ADAMTS17: variants seen among roughly 807,000 people sequenced by gnomAD.
The protein encoded by ADAMTS17 is A disintegrin and metalloproteinase with thrombospondin motifs 17.
In ADAMTS17, 113 loss-of-function variants were observed where a neutral mutation model predicts 141.5. That is an observed-to-expected ratio of 0.80 (90% CI 0.69 to 0.93). The LOEUF is 0.93. ADAMTS17 is among the 40% of genes least tolerant of loss of function. The pLI is 0.00. For missense variants in ADAMTS17, 1,659 were observed against 1,517.9 expected (o/e 1.09, Z -1.54); for synonymous variants, 768 against 630.6 (o/e 1.22, Z -3.27).
chr15:100,246,054 G>A (rs2042977690), intron 7 of ADAMTS17, among the ~76,000 whole-genome samples: 1 of 152,070 alleles, frequency 6.6e-6, no homozygotes, highest in African/African-American at 2.4e-5. Flanking sequence ...GTCCTCTTCT[G>A]TTCTCTTAGG....
chr15:100,238,512 G>T (rs2141883537), intron 7 of ADAMTS17, among the ~76,000 whole-genome samples: 1 of 152,342 alleles, frequency 6.6e-6, no homozygotes, highest in Admixed American at 6.5e-5. Flanking sequence ...TGAGGACAAA[G>T]ATCCGTCCTG....
chr15:100,195,927 A>T (rs1248683720), intron 8 of ADAMTS17, among the ~76,000 whole-genome samples: 1 of 152,236 alleles, frequency 6.6e-6, no homozygotes, highest in Non-Finnish European at 1.5e-5. Flanking sequence ...ATAAATTTTT[A>T]AAAAAGCAAT....
At chr15:100,321,289 CAA>C (rs1488630020) in intron 3 of ADAMTS17, among the ~76,000 whole-genome samples, 1 of 151,664 alleles carries the variant, frequency 6.6e-6, no homozygotes, top group Non-Finnish European at 1.5e-5. Context: ...CAAACAACAA[CAA>C]AGAGAAACAG....
At chr15:100,034,131 A>G (rs2246790) in intron 18 of ADAMTS17, among the ~76,000 whole-genome samples, 16,105 of 152,302 alleles carry the variant, frequency 0.11, 2,221 homozygotes, top group African/African-American at 0.32. Flanking sequence ...CTTGCTGCTG[A>G]GAGCACCTCT....
chr15:100,222,365 G>C (rs1439698092), intron 7 of ADAMTS17, among the ~76,000 whole-genome samples: 1 of 152,178 alleles, frequency 6.6e-6, no homozygotes, highest in Admixed American at 6.5e-5. Flanking sequence ...GTAGATGAAA[G>C]GGGCCACAGC....
At chr15:100,258,677 CAT>C (rs1311668108) in intron 6 of ADAMTS17, among the ~76,000 whole-genome samples, 1 of 152,164 alleles carries the variant, frequency 6.6e-6, no homozygotes, top group African/African-American at 2.4e-5. Context: ...CCTCCCACAA[CAT>C]GTGGGAATTC....
chr15:100,206,887 TCA>T (rs1235392967), intron 7 of ADAMTS17, among the ~76,000 whole-genome samples: 1 of 152,156 alleles, frequency 6.6e-6, no homozygotes, highest in Non-Finnish European at 1.5e-5. Context: ...TCTGTTTGAA[TCA>T]CAGTTATTAG....
intron 8 of ADAMTS17, among the ~76,000 whole-genome samples, chr15:100,194,681 A>T (rs1231938120): frequency 1.3e-5 from 2 of 152,114 alleles, no homozygotes; most frequent in Admixed American, 6.5e-5. Context: ...TTACTTCTGG[A>T]TTTTCCTCTT....
chr15:100,281,512 G>A (rs2044283161), intron 3 of ADAMTS17, 111 bp from the exon 4 acceptor site: 6 of 1,363,948 alleles, frequency 4.4e-6, no homozygotes, highest in African/African-American at 4.3e-5. Flanking sequence ...GTCTCGACAG[G>A]CCTAGAGGGG....
chr15:100,089,212 G>A (rs1297387472), intron 15 of ADAMTS17, among the ~76,000 whole-genome samples: 1 of 146,900 alleles, frequency 6.8e-6, no homozygotes, highest in African/African-American at 2.6e-5. Context: ...AGACATTTAT[G>A]CAGCCAAAAA....
At chr15:100,018,720 T>A (rs2061342203) in intron 18 of ADAMTS17, among the ~76,000 whole-genome samples, 1 of 152,220 alleles carries the variant, frequency 6.6e-6, no homozygotes, top group South Asian at 2.1e-4. Flanking sequence ...CTTTGCAATG[T>A]GACAACAGAC....
At chr15:100,218,689 A>T (rs1211728152) in intron 7 of ADAMTS17, among the ~76,000 whole-genome samples, 1 of 152,214 alleles carries the variant, frequency 6.6e-6, no homozygotes, top group Non-Finnish European at 1.5e-5. Context: ...TATTCAACCT[A>T]GAATTACCAT....
intron 15 of ADAMTS17, among the ~76,000 whole-genome samples, chr15:100,092,410 C>A (rs7171139): frequency 6.6e-6 from 1 of 152,214 alleles, no homozygotes; most frequent in Non-Finnish European, 1.5e-5. Context: ...TGGGACGACA[C>A]GTAACATCCA....
intron 15 of ADAMTS17, among the ~76,000 whole-genome samples, chr15:100,055,804 T>A (rs2032517347): frequency 6.6e-6 from 1 of 152,228 alleles, no homozygotes; most frequent in African/African-American, 2.4e-5. Flanking sequence ...AGGTTGGCTC[T>A]TTCATATACT....
At chr15:100,249,673 A>G (rs4128195) in intron 7 of ADAMTS17, among the ~76,000 whole-genome samples, 116,125 of 152,144 alleles carry the variant, frequency 0.76, 44,550 homozygotes, top group East Asian at 0.87. Flanking sequence ...GCCCCCTTCC[A>G]GTAGGTGCCC....
At position 100,186,560 on chromosome 15, in the gene ADAMTS17, C is replaced by T. The variant is rs943030341; in HGVS notation, c.1181+12758G>A. Among the ~76,000 whole-genome samples, 4 of 152,214 alleles carry T rather than the reference C, an allele frequency of 2.6e-5. No individual in the cohort carries two copies. In the South Asian group the frequency reaches 6.2e-4, roughly 24 times the overall value. ...TATCTCCACAGCCAGGTCATGACTA[C>T]AGCAGTCAAACAAGCAGTGATTCCA... On this transcript the variant is annotated intron_variant, in intron 8 of 21. Transcript: ENST00000268070.
intron 15 of ADAMTS17, among the ~76,000 whole-genome samples, chr15:100,061,926 G>A (rs1432617749): frequency 2.0e-5 from 3 of 152,236 alleles, no homozygotes; most frequent in East Asian, 1.9e-4. Flanking sequence ...GTAACTTTTT[G>A]GCATGATACC....
At chr15:100,178,941 A>G (rs1421215677) in intron 8 of ADAMTS17, among the ~76,000 whole-genome samples, 1 of 152,222 alleles carries the variant, frequency 6.6e-6, no homozygotes, top group African/African-American at 2.4e-5. Context: ...TAGAGGCAAT[A>G]CATTGTTCCC....
At chr15:100,320,025 G>T (rs537193878) in intron 3 of ADAMTS17, among the ~76,000 whole-genome samples, 1 of 152,232 alleles carries the variant, frequency 6.6e-6, no homozygotes, top group African/African-American at 2.4e-5. Context: ...CAGTGGAAAA[G>T]AATCAGATAT....
Sources: gnomAD v4.1 joint callset for allele counts (sites outside exome capture counted in the v4.1 genomes callset) on GRCh38, gnomAD v4.1.1 for gene constraint, MANE v1.5 for transcripts, NCBI Gene and HGNC (gene_info 2026-07-23, HGNC 2026-07-21) for gene names.